RNF166: variants seen among roughly 807,000 people sequenced by gnomAD.
RNF166 encodes the protein ring finger protein 166, also known as E3 ubiquitin-protein ligase RNF166.
In RNF166, 19 loss-of-function variants were observed where a neutral mutation model predicts 29.4. The observed-to-expected ratio is 0.65, with a 90% confidence interval of 0.45 to 0.95. The LOEUF (loss-of-function observed/expected upper bound fraction) is 0.95. RNF166 is among the 40% of genes least tolerant of loss of function. RNF166 has a pLI of 0.00. For synonymous variants in RNF166, 171 were observed against 134.5 expected, an observed-to-expected ratio of 1.27 and a Z score of -1.88; for missense variants, 347 against 322.1, an observed-to-expected ratio of 1.08 and a Z score of -0.59.
At chr16:88,702,554 T>C (rs1020024609) in intron 1 of RNF166, among the ~76,000 whole-genome samples, 3 of 152,238 alleles carry the variant, frequency 2.0e-5, no homozygotes, top group African/African-American at 2.4e-5. Flanking sequence ...AAGGAGGAAG[T>C]CTGAGGGCCT....
At chr16:88,703,507 G>C in intron 1 of RNF166, 2 of 985,434 alleles carry the variant, frequency 2.0e-6, no homozygotes, top group Non-Finnish European at 2.4e-6. Flanking sequence ...TGGCAGGGCG[G>C]CTGGGCCCGA....
At chr16:88,698,259 C>CCCTGTGCG in intron 5 of RNF166, 1 of 687,886 alleles carries the variant, frequency 1.5e-6, no homozygotes, top group Non-Finnish European at 2.6e-6. Flanking sequence ...CAGGGACCTG[C>CCCTGTGCG]CCTGTGCGGT....
chr16:88,698,698 C>A, intron 4 of RNF166, 89 bp from the exon 5 acceptor site: 2 of 1,026,002 alleles, frequency 1.9e-6, no homozygotes, highest in Non-Finnish European at 2.8e-6. Flanking sequence ...TGAGCCCCGT[C>A]AGTGCTGCCT....
At position 88,701,304 on chromosome 16, in the gene RNF166, C is replaced by G. The variant is rs746814381; in HGVS notation, c.270G>C (p.Gln90His). The G allele has an allele frequency of 8.7e-6, 14 of 1,613,680 alleles. No homozygotes were observed. The African/African-American group carries it at 1.7e-4, about 20-fold the overall frequency. The change falls in exon 2 of 6, where the codon CAG becomes CAC. Residue 90 changes from glutamine (Q) to histidine (H), a missense_variant. Coordinates refer to ENST00000312838, the MANE Select transcript of RNF166 (RefSeq NM_178841.4). Reference protein sequence around the residue: ...KVDKATHVEKQLSSYKAPCRG... With the variant: ...KVDKATHVEKHLSSYKAPCRG... ...GACAGGGCGCTTTGTAGGATGAGAG[C>G]TGCTTCTCCACGTGGGTGGCCTTGT...
intron 1 of RNF166, among the ~76,000 whole-genome samples, chr16:88,702,369 C>CCTGGGCTACACCCAGGAAGGCTACA (rs1567638839): frequency 2.6e-5 from 4 of 151,990 alleles, no homozygotes; most frequent in Non-Finnish European, 4.4e-5. Flanking sequence ...CTACAGCACC[C>CCTGGGCTACACCCAGGAAGGCTACA]GGGGGTGTAG....
chr16:88,696,662 G>A lies in RNF166; in HGVS notation c.*906C>T, dbSNP rs1242523093. On this transcript the variant is annotated 3_prime_UTR_variant, in exon 6 of 6. Transcript: ENST00000312838. ...CACTGGGGTGCCGTCCCCTCCCGCA[G>A]CGGGGCACAGTCAGCTTTGAAGGTG... The A allele has an allele frequency of 6.8e-6, 3 of 440,540 alleles. No individual in the cohort carries two copies. The highest frequency in any genetic ancestry group is 1.3e-5 in the Non-Finnish European group (3 of 223,148). 27.3% of individuals were successfully genotyped at this position (440,540 alleles called of 1,614,324 possible).
chr16:88,696,547 G>A lies in RNF166; in HGVS notation c.*1021C>T, dbSNP rs1400175102. The A allele has an allele frequency of 4.5e-6, 2 of 439,838 alleles. No individual in the cohort carries two copies. Among genetic ancestry groups the A allele is most frequent in the African/African-American group, 2.1e-5 (1 of 48,560 alleles). The allele number at this position is 439,838 out of a possible 1,614,324, so 27.2% of individuals were successfully genotyped here. The stretch of plus-strand genomic sequence containing the variant: ...AACTTTTTTTTTTAAAAAAAAGACA[G>A]CAATAATTAATGCCAAGAACAGAAA... On this transcript the variant is annotated 3_prime_UTR_variant, in exon 6 of 6. Coordinates refer to ENST00000312838, the MANE Select transcript of RNF166 (RefSeq NM_178841.4).
At chr16:88,703,768 C>G in intron 1 of RNF166, 2 of 985,448 alleles carry the variant, frequency 2.0e-6, no homozygotes, top group Non-Finnish European at 2.4e-6. Context: ...ACTGGCCCTC[C>G]CAGCAGGCAC....
Position 88,700,690 on chromosome 16 carries a change from G to A in RNF166, c.312+572C>T, listed in dbSNP as rs910780035. 4 of 987,438 alleles carry A rather than the reference G, an allele frequency of 4.1e-6. No individual in the cohort carries two copies. The South Asian group carries it at 1.4e-4, about 34-fold the overall frequency. The allele number at this position is 987,438 out of a possible 1,614,324, so 61.2% of individuals were successfully genotyped here. On this transcript the variant is annotated intron_variant, in intron 2 of 5. Transcript: ENST00000312838. ...GCTGGGGCCTCTCCACCCTGAAGCGGATGTGCCAGGGAGGGCCACGGGGCA... is the reference window on the plus strand; with the variant it reads ...GCTGGGGCCTCTCCACCCTGAAGCGAATGTGCCAGGGAGGGCCACGGGGCA...
At chr16:88,698,737 G>A in intron 4 of RNF166, 128 bp from the exon 5 acceptor site, 2 of 713,982 alleles carry the variant, frequency 2.8e-6, no homozygotes, top group Non-Finnish European at 2.3e-6. Context: ...CAGACCTGGA[G>A]GCGCGTGTCC....
intron 1 of RNF166, chr16:88,703,108 C>T: frequency 1.0e-6 from 1 of 985,532 alleles, no homozygotes; most frequent in Non-Finnish European, 1.2e-6. Context: ...CAAGCACGTC[C>T]CACCCGTGTC....
At chr16:88,702,031 C>T (rs114626744) in intron 1 of RNF166, among the ~76,000 whole-genome samples, 37 of 152,306 alleles carry the variant, frequency 2.4e-4, no homozygotes, top group African/African-American at 8.2e-4. Context: ...GTCCTGGGCA[C>T]CCATGGGCCC....
intron 4 of RNF166, among the ~76,000 whole-genome samples, 178 bp downstream of exon 4, chr16:88,698,793 T>C (rs1349765948): frequency 6.6e-6 from 1 of 152,180 alleles, no homozygotes; most frequent in Non-Finnish European, 1.5e-5. Context: ...GAAGGACTCA[T>C]GGACACTCCC....
chr16:88,699,606 G>A lies in RNF166; in HGVS notation c.425+14C>T, dbSNP rs377357054. 3.8e-6 allele frequency: 6 copies of A among 1,597,974 alleles called. No individual in the cohort carries two copies. The highest frequency in any genetic ancestry group is 1.1e-5 in the South Asian group (1 of 90,366). ...CGAGGACAGTTCCTCTCCCTTGCCCGGCAGCGTGCCTACCTGGGGATAGGC... is the reference window on the plus strand; with the variant it reads ...CGAGGACAGTTCCTCTCCCTTGCCCAGCAGCGTGCCTACCTGGGGATAGGC... On this transcript the variant is annotated intron_variant, in intron 3 of 5. Transcript: ENST00000312838.
intron 2 of RNF166, chr16:88,700,778 C>T: frequency 9.9e-7 from 1 of 1,010,838 alleles, no homozygotes; most frequent in Non-Finnish European, 1.2e-6. Context: ...AGCTGCAGGC[C>T]CTTACGCTGC....
chr16:88,701,536 T>A, intron 1 of RNF166, 118 bp from the exon 2 acceptor site: 1 of 980,786 alleles, frequency 1.0e-6, no homozygotes, highest in Non-Finnish European at 1.5e-6. Flanking sequence ...CAGCTCCCCC[T>A]ACCGCTGTCG....
chr16:88,699,775 G>C, intron 2 of RNF166, 43 bp from the exon 3 acceptor site: 1 of 1,491,944 alleles, frequency 6.7e-7, no homozygotes, highest in African/African-American at 1.4e-5. Context: ...CTGAGAATCT[G>C]GAAGGGCCGT....
chr16:88,701,571 A>G, intron 1 of RNF166, 153 bp from the exon 2 acceptor site: 2 of 724,544 alleles, frequency 2.8e-6, no homozygotes, highest in Admixed American at 3.2e-5. Flanking sequence ...GGTCACTCCT[A>G]TGTCCGGGGC....
intron 1 of RNF166, chr16:88,703,278 G>A: frequency 4.1e-6 from 4 of 984,386 alleles, no homozygotes; most frequent in Non-Finnish European, 3.6e-6. Flanking sequence ...AAACACACTG[G>A]AAACGACTGG....
Sources: allele counts gnomAD v4.1 joint callset (sites outside exome capture counted in the v4.1 genomes callset), GRCh38; gene constraint gnomAD v4.1.1; transcripts MANE v1.5; gene names NCBI Gene and HGNC (gene_info 2026-07-23, HGNC 2026-07-21).